The following TTC28 variants were observed in gnomAD, a reference collection of about 807,000 sequenced individuals.
TTC28 encodes the protein tetratricopeptide repeat protein 28.
TTC28 carries 61 observed loss-of-function variants against 198.0 expected under a neutral mutation model. That is an observed-to-expected ratio of 0.31 (90% CI 0.25 to 0.38). The LOEUF is 0.38. TTC28 is among the 10% of genes least tolerant of loss of function. The pLI, the probability that TTC28 is intolerant of heterozygous loss-of-function variation, is 1.00. For missense variants in TTC28, 2,678 were observed against 3,164.0 expected (o/e 0.85, Z 3.69); for synonymous variants, 1,171 against 1,297.8 (o/e 0.90, Z 2.10).
chr22:28,059,451 T>C (rs1174674642), intron 12 of TTC28, among the ~76,000 whole-genome samples: 2 of 152,054 alleles, frequency 1.3e-5, no homozygotes, highest in Non-Finnish European at 2.9e-5. Context: ...TGTTTTATAG[T>C]CTATTTGTTG....
Position 27,983,463 on chromosome 22 carries a change from C to T in TTC28, c.6204G>A (p.Ala2068=), listed in dbSNP as rs1459744941. Residue 2068 remains alanine, a synonymous_variant, in exon 23 of 23, where the codon GCG becomes GCA. Coordinates refer to ENST00000397906, the MANE Select transcript of TTC28 (RefSeq NM_001145418.2). ...ATGTGTTTCGGTTTTCTTGGTAGGT[C>T]GCCAAGGGCTCGTTACTGATGATAG... ...GFSIISNEPL[A]TYQENRNTCF... 6 of 1,544,726 alleles carry T rather than the reference C, an allele frequency of 3.9e-6. No homozygotes were observed. The highest frequency in any genetic ancestry group is 2.8e-5 in the African/African-American group (2 of 72,118).
intron 2 of TTC28, among the ~76,000 whole-genome samples, chr22:28,377,704 A>G (rs1569291900): frequency 6.6e-6 from 1 of 152,202 alleles, no homozygotes; most frequent in Non-Finnish European, 1.5e-5. Flanking sequence ...AAAAGGATCA[A>G]ACCATCTCCA....
At chr22:28,602,745 A>G (rs1369645910) in intron 2 of TTC28, among the ~76,000 whole-genome samples, 1 of 152,230 alleles carries the variant, frequency 6.6e-6, no homozygotes, top group Non-Finnish European at 1.5e-5. Flanking sequence ...GTATATTTTA[A>G]AAGAAATATC....
intron 2 of TTC28, among the ~76,000 whole-genome samples, chr22:28,449,012 G>C (rs1000846694): frequency 2.0e-5 from 3 of 152,204 alleles, no homozygotes; most frequent in African/African-American, 7.2e-5. Flanking sequence ...CAAAAGAGAA[G>C]ACAGGTACAC....
At chr22:28,209,560 G>C (rs1926723563) in intron 5 of TTC28, among the ~76,000 whole-genome samples, 1 of 152,202 alleles carries the variant, frequency 6.6e-6, no homozygotes, top group South Asian at 2.1e-4. Flanking sequence ...GTCTGAGATT[G>C]AACTGCAAGG....
intron 5 of TTC28, among the ~76,000 whole-genome samples, chr22:28,260,298 C>T (rs920168145): frequency 2.0e-5 from 3 of 152,174 alleles, no homozygotes; most frequent in African/African-American, 7.2e-5. Flanking sequence ...TTTGAACTAA[C>T]TCCAAGATAC....
At chr22:28,623,544 C>G (rs1247804144) in intron 2 of TTC28, among the ~76,000 whole-genome samples, 4 of 152,114 alleles carry the variant, frequency 2.6e-5, no homozygotes, top group African/African-American at 9.7e-5. Flanking sequence ...GATTAAGCAT[C>G]TGGACTTCAT....
chr22:28,635,313 T>C (rs1317342297), intron 1 of TTC28, among the ~76,000 whole-genome samples: 1 of 152,014 alleles, frequency 6.6e-6, no homozygotes, highest in Non-Finnish European at 1.5e-5. Context: ...AGAGCAAGAC[T>C]CCGTCTCAAA....
At chr22:28,613,107 A>C (rs1569060121) in intron 2 of TTC28, among the ~76,000 whole-genome samples, 1 of 152,334 alleles carries the variant, frequency 6.6e-6, no homozygotes, top group South Asian at 2.1e-4. Flanking sequence ...GAAGAAGAAA[A>C]GAGAGAAGAA....
At chr22:28,153,238 A>C (rs901189600) in intron 6 of TTC28, among the ~76,000 whole-genome samples, 2 of 151,910 alleles carry the variant, frequency 1.3e-5, no homozygotes, top group Non-Finnish European at 2.9e-5. Flanking sequence ...CACTGTAAAT[A>C]AGAGGAATAA....
chr22:28,263,208 C>T (rs9613586), intron 5 of TTC28, among the ~76,000 whole-genome samples: 1 of 152,120 alleles, frequency 6.6e-6, no homozygotes, highest in Non-Finnish European at 1.5e-5. Flanking sequence ...TACATCTTTA[C>T]TATATACTAT....
chr22:28,554,924 G>A (rs1327670117), intron 2 of TTC28, among the ~76,000 whole-genome samples: 4 of 151,914 alleles, frequency 2.6e-5, no homozygotes, highest in Non-Finnish European at 5.9e-5. Flanking sequence ...GACAATCCAC[G>A]GAGTGAGAAA....
Position 27,989,918 on chromosome 22 carries a change from C to T in TTC28, c.5667G>A (p.Leu1889=), listed in dbSNP as rs1937338121. Residue 1889 remains leucine (L), a synonymous_variant, in exon 21 of 23, where the codon CTG becomes CTA. Transcript: ENST00000397906. ...ACTCGTGGCATCCCGGGAGCCGCCA[C>T]AGCTGGACGCTGATGGAGACCTGAA... ...APIQVSISVQ[L]WRLPGCHEFL... 1.9e-6 allele frequency: 3 copies of T among 1,551,432 alleles called. No homozygotes were observed. Among genetic ancestry groups the T allele is most frequent in the Non-Finnish European group, 1.7e-6 (2 of 1,146,904 alleles).
At chr22:28,394,117 T>C (rs1278424121) in intron 2 of TTC28, among the ~76,000 whole-genome samples, 1 of 152,134 alleles carries the variant, frequency 6.6e-6, no homozygotes, top group Non-Finnish European at 1.5e-5. Context: ...TTTAATATAA[T>C]CTATGGCAAC....
chr22:28,539,718 G>A (rs1024435234), intron 2 of TTC28, among the ~76,000 whole-genome samples: 2 of 151,574 alleles, frequency 1.3e-5, no homozygotes, highest in African/African-American at 4.8e-5. Context: ...AAAAGAACAA[G>A]CCACAAAGGC....
Position 28,394,317 on chromosome 22 carries a change from A to G in TTC28, c.382-87674T>C, listed in dbSNP as rs1053818062. ...ATTAAATATCTGTTTATCCAAAGCC[A>G]CTAGCATAGTGCCTTGAATATAACA... is the stretch of plus-strand genomic sequence containing the variant. On this transcript the variant is annotated intron_variant, in intron 2 of 22. Transcript: ENST00000397906. 2.0e-5 allele frequency among the ~76,000 whole-genome samples: 3 copies of G among 152,226 alleles called. No individual in the cohort carries two copies. In the East Asian group the frequency reaches 5.8e-4, roughly 29 times the overall value.
At chr22:28,251,640 T>C (rs1930517613) in intron 5 of TTC28, among the ~76,000 whole-genome samples, 1 of 152,232 alleles carries the variant, frequency 6.6e-6, no homozygotes, top group Admixed American at 6.5e-5. Flanking sequence ...AATTAATCTG[T>C]GACCTTAAGC....
At chr22:28,134,044 C>T (rs771965792) in intron 6 of TTC28, among the ~76,000 whole-genome samples, 1 of 152,218 alleles carries the variant, frequency 6.6e-6, no homozygotes, top group Non-Finnish European at 1.5e-5. Flanking sequence ...GCAACATTTG[C>T]TGTTCAGCAA....
At chr22:28,616,897 A>T (rs2050913213) in intron 2 of TTC28, among the ~76,000 whole-genome samples, 1 of 152,130 alleles carries the variant, frequency 6.6e-6, no homozygotes, top group Non-Finnish European at 1.5e-5. Context: ...CAAGAATACA[A>T]GAAAAGCTTT....
Sources: gnomAD v4.1 joint callset for allele counts (sites outside exome capture counted in the v4.1 genomes callset) on GRCh38, gnomAD v4.1.1 for gene constraint, MANE v1.5 for transcripts, NCBI Gene and HGNC (gene_info 2026-07-23, HGNC 2026-07-21) for gene names.